Variants in ASIC2 observed in about 807,000 individuals in gnomAD.
The protein encoded by ASIC2 is acid sensing ion channel subunit 2.
A neutral mutation model predicts 57.3 loss-of-function variants in ASIC2; 25 were observed. The ratio of observed to expected loss-of-function variants is 0.44; its 90% CI spans 0.32 to 0.61. ASIC2 has a LOEUF of 0.61. Among genes scored for constraint, ASIC2 ranks in the 20% least tolerant of loss-of-function variants. The probability of loss-of-function intolerance (pLI) is 0.06; values close to 1 mark genes in which losing one functional copy is unlikely to be tolerated. For synonymous variants in ASIC2, 319 were observed against 307.5 expected (o/e 1.04, Z -0.39); for missense variants, 641 against 738.1 (o/e 0.87, Z 1.52).
intron 1 of ASIC2, among the ~76,000 whole-genome samples, chr17:34,155,146 C>T (rs1385419931): frequency 6.6e-6 from 1 of 152,020 alleles, no homozygotes; most frequent in Non-Finnish European, 1.5e-5. Flanking sequence ...CCTGCATCCA[C>T]GTCGTTAAGT....
rs568453400 is a variant in ASIC2, at chr17:33,550,089, G to C, written c.556-438022C>G. Among the ~76,000 whole-genome samples, 3 of 151,996 alleles carry C rather than the reference G, an allele frequency of 2.0e-5. 1 individual carries two copies. In the South Asian group the frequency reaches 6.2e-4, roughly 32 times the overall value. On this transcript the variant is annotated intron_variant, in intron 1 of 9. Coordinates refer to the ASIC2 transcript ENST00000359872. Reference sequence around the variant, plus strand: ...TCAAATTTCAGAGTTGTAGGTGAGAGCTGAGATAAATCAGGCCCTCCATGA... The same window carrying C: ...TCAAATTTCAGAGTTGTAGGTGAGACCTGAGATAAATCAGGCCCTCCATGA...
At chr17:34,027,097 C>T (rs1907403983) in intron 1 of ASIC2, among the ~76,000 whole-genome samples, 1 of 152,062 alleles carries the variant, frequency 6.6e-6, no homozygotes, top group Admixed American at 6.5e-5. Context: ...ATTAACAATG[C>T]CTGATGCTAA....
chr17:33,662,537 T>C (rs1018689798), intron 1 of ASIC2, among the ~76,000 whole-genome samples: 1 of 151,524 alleles, frequency 6.6e-6, no homozygotes, highest in Non-Finnish European at 1.5e-5. Flanking sequence ...GCAGGAGAAT[T>C]GCTTGAACCT....
At chr17:33,698,917 C>A (rs769740950) in intron 1 of ASIC2, among the ~76,000 whole-genome samples, 18 of 152,100 alleles carry the variant, frequency 1.2e-4, no homozygotes, top group Admixed American at 5.2e-4. Context: ...AGATGCCCCC[C>A]CTCTGCTTTT....
chr17:33,944,729 G>A (rs17193116), intron 1 of ASIC2, among the ~76,000 whole-genome samples: 7,966 of 152,286 alleles, frequency 0.052, 301 homozygotes, highest in Admixed American at 0.11. Context: ...TGAGCTAATC[G>A]TGCTGAAAGT....
intron 1 of ASIC2, among the ~76,000 whole-genome samples, chr17:33,157,539 T>C (rs914933070): frequency 2.0e-5 from 3 of 152,142 alleles, no homozygotes; most frequent in Admixed American, 2.0e-4. Flanking sequence ...ATCCTTATAG[T>C]TTCTTGGGTC....
intron 1 of ASIC2, among the ~76,000 whole-genome samples, chr17:33,468,956 A>T (rs1423733256): frequency 6.6e-6 from 1 of 152,212 alleles, no homozygotes; most frequent in East Asian, 1.9e-4. Context: ...ATATGCAACA[A>T]GTTAGTGAAT....
At chr17:33,140,253 C>T (rs899045710) in intron 1 of ASIC2, among the ~76,000 whole-genome samples, 23 of 152,342 alleles carry the variant, frequency 1.5e-4, no homozygotes, top group African/African-American at 5.5e-4. Context: ...CTGCTTGGAC[C>T]CACTGCACAT....
chr17:34,093,077 C>A (rs2142089758), intron 1 of ASIC2, among the ~76,000 whole-genome samples: 1 of 152,296 alleles, frequency 6.6e-6, no homozygotes, highest in African/African-American at 2.4e-5. Flanking sequence ...TATTTCAGAA[C>A]ACCACAATTT....
intron 1 of ASIC2, among the ~76,000 whole-genome samples, chr17:33,593,273 G>C (rs1406250351): frequency 6.6e-6 from 1 of 152,190 alleles, no homozygotes; most frequent in African/African-American, 2.4e-5. Flanking sequence ...CCTCTTTCCA[G>C]TGGTTTTGAA....
intron 7 of ASIC2, among the ~76,000 whole-genome samples, chr17:33,018,309 G>A (rs2091817872): frequency 6.6e-6 from 1 of 152,140 alleles, no homozygotes; most frequent in Admixed American, 6.5e-5. Context: ...TCTCCTGGAA[G>A]AATTGTAATC....
At chr17:33,359,839 T>C (rs1000963125) in intron 1 of ASIC2, among the ~76,000 whole-genome samples, 1 of 152,212 alleles carries the variant, frequency 6.6e-6, no homozygotes, top group Non-Finnish European at 1.5e-5. Flanking sequence ...AGGAAGTACA[T>C]GCTGGGATGG....
intron 1 of ASIC2, among the ~76,000 whole-genome samples, chr17:33,737,233 A>G (rs551870765): frequency 6.6e-6 from 1 of 152,382 alleles, no homozygotes; most frequent in South Asian, 2.1e-4. Context: ...CTGATCAAAA[A>G]ATAGACTCAT....
rs373042035 is a variant in ASIC2, at chr17:33,403,856, T to A, written c.556-291789A>T. The stretch of plus-strand genomic sequence containing the variant: ...CAAGCTCCAGAGAGAGGAAATGACT[T>A]TTCCAAGCCCCACAGTGAATTGCAG... On this transcript the variant is annotated intron_variant, in intron 1 of 9. Transcript: ENST00000359872. 4.6e-5 allele frequency among the ~76,000 whole-genome samples: 7 copies of A among 152,340 alleles called. No individual in the cohort carries two copies. In the East Asian group the frequency reaches 1.3e-3, roughly 29 times the overall value.
chr17:33,462,479 G>A (rs747004974), intron 1 of ASIC2, among the ~76,000 whole-genome samples: 17 of 152,196 alleles, frequency 1.1e-4, no homozygotes, highest in African/African-American at 3.6e-4. Flanking sequence ...TGAAAGAGAC[G>A]TAAGATACAA....
intron 1 of ASIC2, among the ~76,000 whole-genome samples, chr17:33,929,865 A>G (rs1277678898): frequency 1.3e-5 from 2 of 152,250 alleles, no homozygotes; most frequent in Non-Finnish European, 1.5e-5. Flanking sequence ...AGGCTTCACA[A>G]TATCAGAATT....
chr17:33,488,433 C>G (rs921575757), intron 1 of ASIC2, among the ~76,000 whole-genome samples: 2 of 152,172 alleles, frequency 1.3e-5, no homozygotes, highest in Admixed American at 1.3e-4. Context: ...ATCAGGGTCA[C>G]CTCTATCAAA....
At position 33,263,761 on chromosome 17, in the gene ASIC2, C is replaced by T. The variant is rs567003948; in HGVS notation, c.708+27647G>A. ...TGGGCATATGAAAGGGGGGCCCACC[C>T]GCTGCAGAGCTTGGTCTTTCCCCAT... On this transcript the variant is annotated intron_variant, in intron 1 of 9. Transcript: ENST00000225823. Among the ~76,000 whole-genome samples the T allele has an allele frequency of 2.6e-5, 4 of 152,312 alleles. No individual in the cohort carries two copies. The South Asian group carries it at 6.2e-4, about 24-fold the overall frequency.
At chr17:33,881,262 G>T (rs1443221094) in intron 1 of ASIC2, among the ~76,000 whole-genome samples, 1 of 152,152 alleles carries the variant, frequency 6.6e-6, no homozygotes, top group Non-Finnish European at 1.5e-5. Flanking sequence ...CCTGGCCAGG[G>T]CAATCAGGCA....
Sources: allele counts gnomAD v4.1 joint callset (sites outside exome capture counted in the v4.1 genomes callset), GRCh38; gene constraint gnomAD v4.1.1; transcripts MANE v1.5; gene names NCBI Gene and HGNC (gene_info 2026-07-23, HGNC 2026-07-21).